CCSER1: variants seen among roughly 807,000 people sequenced by gnomAD.
The protein encoded by CCSER1 is coiled-coil serine rich protein 1.
A neutral mutation model predicts 82.0 loss-of-function variants in CCSER1; 41 were observed. The ratio of observed to expected loss-of-function variants is 0.50; its 90% CI spans 0.39 to 0.65. The LOEUF is 0.65. Ranked by LOEUF, CCSER1 falls within the 30% of genes least tolerant of loss-of-function variation. The probability of loss-of-function intolerance (pLI) is 0.00; values close to 1 mark genes in which losing one functional copy is unlikely to be tolerated. For synonymous variants in CCSER1, 414 were observed against 383.9 expected (o/e 1.08, Z -0.92); for missense variants, 1,119 against 1,064.2 (o/e 1.05, Z -0.72).
intron 6 of CCSER1, among the ~76,000 whole-genome samples, chr4:90,671,144 C>T (rs1732719279): frequency 6.6e-6 from 1 of 151,996 alleles, no homozygotes; most frequent in East Asian, 1.9e-4. Context: ...GAGAGTCTTG[C>T]CTTGATGTTG....
intron 7 of CCSER1, among the ~76,000 whole-genome samples, chr4:90,750,524 T>C (rs1211472956): frequency 6.6e-6 from 1 of 152,174 alleles, no homozygotes; most frequent in African/African-American, 2.4e-5. Flanking sequence ...TTCTTGAGAC[T>C]ATTTGCTTTC....
intron 10 of CCSER1, among the ~76,000 whole-genome samples, chr4:91,231,808 A>G (rs1738651296): frequency 6.6e-6 from 1 of 151,806 alleles, no homozygotes; most frequent in Non-Finnish European, 1.5e-5. Context: ...TACAAACGAA[A>G]AAGAAGGCAG....
At chr4:90,775,929 G>A (rs1752832394) in intron 7 of CCSER1, among the ~76,000 whole-genome samples, 1 of 151,418 alleles carries the variant, frequency 6.6e-6, no homozygotes, top group South Asian at 2.1e-4. Flanking sequence ...AGGAGAGTTG[G>A]TTCTGTGCTA....
chr4:90,865,709 G>C (rs1244295104), intron 8 of CCSER1, among the ~76,000 whole-genome samples: 2 of 151,704 alleles, frequency 1.3e-5, no homozygotes, highest in African/African-American at 4.8e-5. Flanking sequence ...TAACACCTAG[G>C]GGACAGTTAC....
At chr4:90,233,813 T>G (rs17008807) in intron 1 of CCSER1, among the ~76,000 whole-genome samples, 2,860 of 152,150 alleles carry the variant, frequency 0.019, 43 homozygotes, top group Non-Finnish European at 0.029. Flanking sequence ...TTTTGTTCTA[T>G]TAATATGTTT....
At chr4:90,690,017 A>G (rs980093966) in intron 6 of CCSER1, among the ~76,000 whole-genome samples, 3 of 152,064 alleles carry the variant, frequency 2.0e-5, no homozygotes, top group African/African-American at 7.2e-5. Context: ...AAAGCAAACA[A>G]GAATAAACTT....
At chr4:90,382,529 G>T (rs1028962904) in intron 3 of CCSER1, among the ~76,000 whole-genome samples, 2 of 151,916 alleles carry the variant, frequency 1.3e-5, no homozygotes, top group African/African-American at 4.8e-5. Flanking sequence ...CTGGGATGAG[G>T]TAGCAATGAT....
At chr4:90,243,315 C>T (rs1349319286) in intron 1 of CCSER1, among the ~76,000 whole-genome samples, 5 of 151,872 alleles carry the variant, frequency 3.3e-5, no homozygotes, top group African/African-American at 1.2e-4. Context: ...GTGGGACAAT[C>T]TAGACTCACT....
chr4:90,997,856 T>A (rs1233472373), intron 9 of CCSER1, among the ~76,000 whole-genome samples: 2 of 152,114 alleles, frequency 1.3e-5, no homozygotes, highest in African/African-American at 4.8e-5. Context: ...AATGAACACA[T>A]ACATGATTTT....
chr4:91,565,085 GA>G (rs1342800373), intron 10 of CCSER1, among the ~76,000 whole-genome samples: 1 of 145,090 alleles, frequency 6.9e-6, no homozygotes, highest in Non-Finnish European at 1.5e-5. Context: ...TGTGTGATGT[GA>G]AGAAGGGGTC....
At position 91,496,723 on chromosome 4, in the gene CCSER1, A is replaced by AAT. The variant is rs1168441594; in HGVS notation, c.2218-101836_2218-101835dup. Among the ~76,000 whole-genome samples, 3 of 59,826 alleles carry AAT rather than the reference A, an allele frequency of 5.0e-5. 1 individual carries two copies. Among genetic ancestry groups the AAT allele is most frequent in the Non-Finnish European group, 6.7e-5 (2 of 29,858 alleles). The allele number at this position is 59,826 out of a possible 152,430, so 39.2% of individuals were successfully genotyped here. ...ATATATATATATATTCAATATATAG[A>AAT]ATATATATATATATTGAATATATAT... On this transcript the variant is annotated intron_variant, in intron 10 of 10. Coordinates refer to ENST00000509176, the MANE Select transcript of CCSER1 (RefSeq NM_001145065.2).
intron 3 of CCSER1, among the ~76,000 whole-genome samples, chr4:90,316,773 C>G (rs765650167): frequency 4.6e-5 from 7 of 152,114 alleles, no homozygotes; most frequent in Non-Finnish European, 8.8e-5. Flanking sequence ...AGATATACCA[C>G]AGTTCTGTTG....
chr4:91,243,053 C>T (rs1304767410), intron 10 of CCSER1, among the ~76,000 whole-genome samples: 2 of 152,186 alleles, frequency 1.3e-5, no homozygotes, highest in African/African-American at 4.8e-5. Context: ...TCCCCTCTCC[C>T]AGTGGTAGCC....
intron 8 of CCSER1, among the ~76,000 whole-genome samples, chr4:90,920,842 A>G (rs1561366623): frequency 6.6e-6 from 1 of 151,904 alleles, no homozygotes; most frequent in Non-Finnish European, 1.5e-5. Context: ...AAAAAGTTAT[A>G]AAATACAAAT....
chr4:90,955,280 G>A (rs906430281), intron 9 of CCSER1, among the ~76,000 whole-genome samples: 4 of 152,136 alleles, frequency 2.6e-5, no homozygotes, highest in Non-Finnish European at 4.4e-5. Context: ...CAAGGCCCAT[G>A]TCACTTTTCG....
chr4:90,206,528 T>C (rs1452852768), intron 1 of CCSER1, among the ~76,000 whole-genome samples: 1 of 152,174 alleles, frequency 6.6e-6, no homozygotes, highest in Non-Finnish European at 1.5e-5. Flanking sequence ...TTCTTAATGC[T>C]GAGTTCTAAT....
At chr4:91,173,361 C>T (rs1255787630) in intron 10 of CCSER1, among the ~76,000 whole-genome samples, 1 of 152,024 alleles carries the variant, frequency 6.6e-6, no homozygotes, top group African/African-American at 2.4e-5. Flanking sequence ...TTGGGAGACC[C>T]AGGTGTGCGG....
intron 6 of CCSER1, among the ~76,000 whole-genome samples, chr4:90,637,350 C>T (rs183981857): frequency 1.3e-5 from 2 of 152,266 alleles, no homozygotes; most frequent in African/African-American, 4.8e-5. Context: ...AGAGAGAAGA[C>T]AAAATGCACA....
rs1175332727 is a variant in CCSER1 at position 90,932,842 on chromosome 4, A to AG, written c.2172+9395_2172+9396insG. Among the ~76,000 whole-genome samples the AG allele has an allele frequency of 6.9e-5, 10 of 145,294 alleles. 3 individuals are homozygous for AG. Among genetic ancestry groups the AG allele is most frequent in the African/African-American group, 1.0e-4 (4 of 38,818 alleles). On this transcript the variant is annotated intron_variant, in intron 9 of 10. Transcript: ENST00000509176. The stretch of plus-strand genomic sequence containing the variant: ...GACTCCGTCTCCAAAAAAAAAAAAA[A>AG]AAAGAAACAATGTTGTTCCGTCTCA...
Sources: gnomAD v4.1 joint callset for allele counts (sites outside exome capture counted in the v4.1 genomes callset) on GRCh38, gnomAD v4.1.1 for gene constraint, MANE v1.5 for transcripts, NCBI Gene and HGNC (gene_info 2026-07-23, HGNC 2026-07-21) for gene names.